CTNNA3: variants seen among roughly 807,000 people sequenced by gnomAD.
The protein encoded by CTNNA3 is catenin alpha 3, also known as catenin alpha-3.
A neutral mutation model predicts 95.7 loss-of-function variants in CTNNA3; 76 were observed. The ratio of observed to expected loss-of-function variants is 0.79; its 90% CI spans 0.66 to 0.96. The LOEUF (loss-of-function observed/expected upper bound fraction) is 0.96. Ranked by LOEUF, CTNNA3 falls within the 40% of genes least tolerant of loss-of-function variation. CTNNA3 has a pLI of 0.00. For missense variants in CTNNA3, 1,191 were observed against 1,089.8 expected, an observed-to-expected ratio of 1.09 and a Z score of -1.31; for synonymous variants, 431 against 374.4, an observed-to-expected ratio of 1.15 and a Z score of -1.74.
At chr10:66,048,053 G>C (rs928627293) in intron 15 of CTNNA3, among the ~76,000 whole-genome samples, 8 of 152,068 alleles carry the variant, frequency 5.3e-5, no homozygotes, top group Non-Finnish European at 1.0e-4. Context: ...TACCATCCAA[G>C]GCAATTTACA....
intron 13 of CTNNA3, among the ~76,000 whole-genome samples, chr10:66,151,070 T>C (rs1355366849): frequency 6.6e-6 from 1 of 152,060 alleles, no homozygotes; most frequent in Admixed American, 6.6e-5. Context: ...GATTCATCAC[T>C]TGAGCAAATA....
chr10:66,533,772 T>A (rs1841550919), intron 10 of CTNNA3, among the ~76,000 whole-genome samples: 1 of 152,102 alleles, frequency 6.6e-6, no homozygotes, highest in South Asian at 2.1e-4. Context: ...GCTATGGTGA[T>A]GAAAATATGT....
intron 11 of CTNNA3, among the ~76,000 whole-genome samples, chr10:66,401,771 G>T: frequency 6.8e-6 from 1 of 146,760 alleles, no homozygotes; most frequent in East Asian, 2.1e-4. Flanking sequence ...TGATTCTCCT[G>T]CCTCAGCCTC....
At chr10:67,452,357 T>C (rs1236458239) in intron 5 of CTNNA3, among the ~76,000 whole-genome samples, 1 of 152,176 alleles carries the variant, frequency 6.6e-6, no homozygotes, top group Admixed American at 6.6e-5. Flanking sequence ...AAACAATTCA[T>C]TATATTTAAA....
chr10:66,285,003 G>A (rs2091560804), intron 12 of CTNNA3, among the ~76,000 whole-genome samples: 1 of 151,690 alleles, frequency 6.6e-6, no homozygotes, highest in South Asian at 2.1e-4. Context: ...CCAATATTAT[G>A]TATCAAGAAT....
At chr10:67,595,737 T>C (rs989063045) in intron 3 of CTNNA3, among the ~76,000 whole-genome samples, 6 of 152,192 alleles carry the variant, frequency 3.9e-5, no homozygotes, top group Non-Finnish European at 7.4e-5. Context: ...GGTGTTGAAG[T>C]CTCCCACTAT....
intron 7 of CTNNA3, among the ~76,000 whole-genome samples, chr10:66,807,529 T>A (rs1451918461): frequency 6.6e-6 from 1 of 152,112 alleles, no homozygotes; most frequent in East Asian, 1.9e-4. Context: ...AATATCCTTG[T>A]TAAATCCTCC....
chr10:66,437,179 T>C (rs1311643373), intron 11 of CTNNA3, among the ~76,000 whole-genome samples: 1 of 152,136 alleles, frequency 6.6e-6, no homozygotes, highest in African/African-American at 2.4e-5. Flanking sequence ...GGGTTGCTCT[T>C]CTCAAGGATT....
intron 7 of CTNNA3, chr10:67,176,806 C>T (rs555525444): frequency 2.5e-5 from 10 of 397,618 alleles, no homozygotes; most frequent in African/African-American, 6.3e-5. Context: ...AGAAACATGA[C>T]GTTGCTGGCT....
At chr10:66,046,199 G>T (rs1336671987) in intron 15 of CTNNA3, among the ~76,000 whole-genome samples, 1 of 152,136 alleles carries the variant, frequency 6.6e-6, no homozygotes, top group African/African-American at 2.4e-5. Context: ...AGTGGTGAGT[G>T]AATGAGCTGC....
intron 7 of CTNNA3, among the ~76,000 whole-genome samples, chr10:67,116,721 A>AATATATATAT (rs34041126): frequency 9.1e-5 from 13 of 143,520 alleles, no homozygotes; most frequent in African/African-American, 3.3e-4. Flanking sequence ...CAGTTTTGAA[A>AATATATATAT]ATATATATAT....
At chr10:66,207,707 G>A (rs959683218) in intron 13 of CTNNA3, among the ~76,000 whole-genome samples, 2 of 151,970 alleles carry the variant, frequency 1.3e-5, no homozygotes, top group Non-Finnish European at 2.9e-5. Context: ...AAATTTTACT[G>A]ATAGCTTATA....
intron 17 of CTNNA3, among the ~76,000 whole-genome samples, chr10:65,959,487 G>T (rs2077798793): frequency 1.3e-5 from 2 of 152,138 alleles, no homozygotes; most frequent in Non-Finnish European, 2.9e-5. Context: ...GGGAGCTGTG[G>T]ACTGGAGCTG....
intron 7 of CTNNA3, among the ~76,000 whole-genome samples, chr10:67,040,401 C>T (rs1438732832): frequency 6.6e-6 from 1 of 151,982 alleles, no homozygotes; most frequent in Non-Finnish European, 1.5e-5. Flanking sequence ...ATAATGGGAG[C>T]CACTGCACAA....
At chr10:66,596,053 G>T (rs1391719868) in intron 10 of CTNNA3, among the ~76,000 whole-genome samples, 1 of 152,060 alleles carries the variant, frequency 6.6e-6, no homozygotes, top group Non-Finnish European at 1.5e-5. Flanking sequence ...ATGAAGAAAA[G>T]TGGGAGCAGC....
chr10:67,684,615 T>C (rs1296676204), intron 1 of CTNNA3, among the ~76,000 whole-genome samples: 4 of 152,310 alleles, frequency 2.6e-5, no homozygotes. Context: ...GGGCCTGCCC[T>C]GCAGTTCTAG....
At chr10:66,775,412 G>A in intron 8 of CTNNA3, 32 bp downstream of exon 8, 1 of 1,448,958 alleles carries the variant, frequency 6.9e-7, no homozygotes, top group Non-Finnish European at 9.6e-7. Context: ...TAGCCCCTAT[G>A]TTTCTGACTC....
intron 12 of CTNNA3, among the ~76,000 whole-genome samples, chr10:66,348,294 A>G (rs1319447896): frequency 6.6e-6 from 1 of 152,146 alleles, no homozygotes; most frequent in Non-Finnish European, 1.5e-5. Flanking sequence ...GGCTTTGAAC[A>G]GCAGATTTGC....
intron 7 of CTNNA3, among the ~76,000 whole-genome samples, chr10:66,997,955 A>G (rs1218491987): frequency 6.6e-6 from 1 of 152,136 alleles, no homozygotes; most frequent in African/African-American, 2.4e-5. Context: ...CAAGTTCACT[A>G]CCACTGCTTC....
Sources: gnomAD v4.1 joint callset for allele counts (sites outside exome capture counted in the v4.1 genomes callset) on GRCh38, gnomAD v4.1.1 for gene constraint, MANE v1.5 for transcripts, NCBI Gene and HGNC (gene_info 2026-07-23, HGNC 2026-07-21) for gene names.